The following CNKSR3 variants were observed in gnomAD, a reference collection of about 807,000 sequenced individuals.
CNKSR3 encodes connector enhancer of kinase suppressor of ras 3.
Under a neutral mutation model 67.7 loss-of-function variants are expected in CNKSR3, and 36 were observed. The observed-to-expected ratio is 0.53, with a 90% CI of 0.41 to 0.70. The LOEUF (loss-of-function observed/expected upper bound fraction) is 0.70. CNKSR3 is among the 30% of genes least tolerant of loss of function. CNKSR3 has a pLI of 0.00. For synonymous variants in CNKSR3, 281 were observed against 271.4 expected, an observed-to-expected ratio of 1.04 and a Z score of -0.35; for missense variants, 630 against 695.2, an observed-to-expected ratio of 0.91 and a Z score of 1.05.
intron 1 of CNKSR3, among the ~76,000 whole-genome samples, chr6:154,503,746 G>A (rs1359574312): frequency 1.3e-5 from 2 of 152,124 alleles, no homozygotes; most frequent in East Asian, 3.9e-4. Context: ...GCTGTTGCTA[G>A]GTGGTGCTTA....
chr6:154,406,794 C>T, intron 12 of CNKSR3, 142 bp from the exon 13 acceptor site: 2 of 698,280 alleles, frequency 2.9e-6, no homozygotes, highest in Admixed American at 5.9e-5. Flanking sequence ...ATGGTGAAAC[C>T]CCGTCTCTAC....
At chr6:154,443,022 T>C (rs1370287823) in intron 2 of CNKSR3, among the ~76,000 whole-genome samples, 1 of 152,092 alleles carries the variant, frequency 6.6e-6, no homozygotes, top group Non-Finnish European at 1.5e-5. Flanking sequence ...CTCAGCCTCC[T>C]GAATAGCTGG....
intron 1 of CNKSR3, among the ~76,000 whole-genome samples, chr6:154,509,532 G>A (rs1481705252): frequency 6.6e-6 from 1 of 152,142 alleles, no homozygotes; most frequent in African/African-American, 2.4e-5. Context: ...TGGCTTTTGC[G>A]CGGCCCTCTC....
Position 154,387,536 on chromosome 6 carries a change from T to C in CNKSR3, c.*18818A>G, listed in dbSNP as rs114190325. 2 of 152,224 alleles carry C rather than the reference T, an allele frequency of 1.3e-5. No individual in the cohort carries two copies. The highest frequency in any genetic ancestry group is 4.8e-5 in the African/African-American group (2 of 41,446). The allele number at this position is 152,224 out of a possible 1,614,324, so 9.4% of individuals were successfully genotyped here. On this transcript the variant is annotated 3_prime_UTR_variant, in exon 13 of 13. Coordinates refer to ENST00000607772, the MANE Select transcript of CNKSR3 (RefSeq NM_173515.4). ...AAAATGAAATAAAGATGTTTTATTA[T>C]GTACATTAGTTAATGAGGCACAGGA...
rs1160438632 is a variant in CNKSR3, at chr6:154,431,301, G to A, written c.550-710C>T. Among the ~76,000 whole-genome samples the A allele has an allele frequency of 7.2e-5, 11 of 151,962 alleles. No individual in the cohort carries two copies. In the East Asian group the frequency reaches 1.5e-3, roughly 21 times the overall value. On this transcript the variant is annotated intron_variant, in intron 5 of 12. Transcript: ENST00000607772. ...TCTACTAAAAATACAAAAATTAGAC[G>A]GGCATGGTGGCGTGTGCCTGTAACC...
intron 4 of CNKSR3, among the ~76,000 whole-genome samples, chr6:154,440,657 T>C (rs992738861): frequency 6.6e-6 from 1 of 152,168 alleles, no homozygotes; most frequent in Non-Finnish European, 1.5e-5. Context: ...CATCAGTCAG[T>C]GTGAGGACCT....
chr6:154,485,179 T>C (rs1034781108), intron 1 of CNKSR3, among the ~76,000 whole-genome samples: 4 of 152,236 alleles, frequency 2.6e-5, no homozygotes, highest in Non-Finnish European at 5.9e-5. Flanking sequence ...CACATCTCCC[T>C]ACACAGAGTT....
intron 6 of CNKSR3, among the ~76,000 whole-genome samples, chr6:154,428,576 G>A (rs896125213): frequency 1.1e-4 from 16 of 152,110 alleles, no homozygotes; most frequent in East Asian, 3.8e-4. Context: ...GGAGTGTAGC[G>A]ATGCAAACAC....
chr6:154,456,423 C>T (rs189166233), intron 1 of CNKSR3, among the ~76,000 whole-genome samples: 195 of 151,384 alleles, frequency 1.3e-3, no homozygotes, highest in African/African-American at 4.5e-3. Flanking sequence ...ATGTGCCAGG[C>T]GCGGTGGCTC....
In CNKSR3 at chr6:154,403,086, A is replaced by C. The variant is rs1784734288; in HGVS notation, c.*3268T>G. 6.6e-6 allele frequency: 1 copy of C among 152,208 alleles called. No individual in the cohort carries two copies. Among genetic ancestry groups the C allele is most frequent in the African/African-American group, 2.4e-5 (1 of 41,448 alleles). 9.4% of individuals were successfully genotyped at this position (152,208 alleles called of 1,614,324 possible). A position where few individuals can be genotyped will look rare whatever the true frequency, so the allele number is the denominator to read the frequency against. ...TGAGTGAAGGTAAGCTTCATCATCC[A>C]TGATTTTCATTTGAAGATTGAAAAG... On this transcript the variant is annotated 3_prime_UTR_variant, in exon 13 of 13. Coordinates refer to ENST00000607772, the MANE Select transcript of CNKSR3 (RefSeq NM_173515.4).
chr6:154,453,088 G>A (rs1785873306), intron 1 of CNKSR3, among the ~76,000 whole-genome samples: 1 of 152,212 alleles, frequency 6.6e-6, no homozygotes, highest in African/African-American at 2.4e-5. Context: ...CAAGCTCACT[G>A]CTCATAATAC....
At chr6:154,468,171 G>A (rs1325693240) in intron 1 of CNKSR3, among the ~76,000 whole-genome samples, 1 of 149,652 alleles carries the variant, frequency 6.7e-6, no homozygotes, top group African/African-American at 2.5e-5. Flanking sequence ...CCACCTCTTG[G>A]GTTCAAGCAA....
intron 1 of CNKSR3, among the ~76,000 whole-genome samples, chr6:154,452,758 G>A (rs904448781): frequency 1.3e-5 from 2 of 152,174 alleles, no homozygotes; most frequent in Non-Finnish European, 2.9e-5. Context: ...CATATGACTC[G>A]TGTCCTTATT....
At chr6:154,506,522 C>T (rs778959317) in intron 1 of CNKSR3, among the ~76,000 whole-genome samples, 17 of 152,186 alleles carry the variant, frequency 1.1e-4, no homozygotes, top group Non-Finnish European at 1.9e-4. Context: ...TTCTGTCTTC[C>T]ATGAGACTCC....
intron 12 of CNKSR3, among the ~76,000 whole-genome samples, chr6:154,407,967 T>C (rs1417796061): frequency 6.6e-6 from 1 of 151,072 alleles, no homozygotes; most frequent in East Asian, 2.0e-4. Context: ...AATACGGCTA[T>C]ATTCTTTTCA....
At chr6:154,470,917 A>C (rs917756519) in intron 1 of CNKSR3, among the ~76,000 whole-genome samples, 2 of 152,182 alleles carry the variant, frequency 1.3e-5, no homozygotes, top group African/African-American at 4.8e-5. Context: ...TGAAGATTCC[A>C]ATTTCTTCAC....
At chr6:154,423,243 A>G (rs973950406) in intron 7 of CNKSR3, among the ~76,000 whole-genome samples, 3 of 152,132 alleles carry the variant, frequency 2.0e-5, no homozygotes, top group African/African-American at 7.2e-5. Flanking sequence ...ATCTATCGGG[A>G]AGAGACTGGA....
chr6:154,494,069 T>C (rs934161938), intron 1 of CNKSR3, among the ~76,000 whole-genome samples: 4 of 152,154 alleles, frequency 2.6e-5, no homozygotes, highest in Non-Finnish European at 5.9e-5. Context: ...TAAATTAATA[T>C]ATCAGTCTGT....
At chr6:154,432,670 CT>C (rs1584077589) in intron 5 of CNKSR3, among the ~76,000 whole-genome samples, 1 of 152,322 alleles carries the variant, frequency 6.6e-6, no homozygotes, top group East Asian at 1.9e-4. Flanking sequence ...GGTCTATCAT[CT>C]TTTTAGTGAT....
Sources: gnomAD v4.1 joint callset for allele counts (sites outside exome capture counted in the v4.1 genomes callset) on GRCh38, gnomAD v4.1.1 for gene constraint, MANE v1.5 for transcripts, NCBI Gene and HGNC (gene_info 2026-07-23, HGNC 2026-07-21) for gene names.